GABRB3: variants seen among roughly 807,000 people sequenced by gnomAD.
The protein encoded by GABRB3 is gamma-aminobutyric acid type A receptor subunit beta3.
In GABRB3, 14 loss-of-function variants were observed where a neutral mutation model predicts 52.1. The ratio of observed to expected loss-of-function variants is 0.27; its 90% CI spans 0.18 to 0.42. The LOEUF (loss-of-function observed/expected upper bound fraction) is 0.42. Ranked by LOEUF, GABRB3 falls within the 10% of genes least tolerant of loss-of-function variation. The pLI, the probability that GABRB3 is intolerant of heterozygous loss-of-function variation, is 1.00. For synonymous variants in GABRB3, 260 were observed against 232.3 expected (o/e 1.12, Z -1.08); for missense variants, 307 against 609.1 (o/e 0.50, Z 5.22).
rs1316426000 is a variant in GABRB3, at chr15:26,680,348, C to A, written c.241-58814G>T. On this transcript the variant is annotated intron_variant, in intron 3 of 8. Transcript: ENST00000311550. ...TTTCTCTGGAGAAGGCTGACAGGCACTTTATCACTCTTGCTCCCTTCCTAA... is the reference window on the plus strand; with the variant it reads ...TTTCTCTGGAGAAGGCTGACAGGCAATTTATCACTCTTGCTCCCTTCCTAA... Among the ~76,000 whole-genome samples, 3 of 152,180 alleles carry A rather than the reference C, an allele frequency of 2.0e-5. No individual in the cohort carries two copies. In the East Asian group the frequency reaches 5.8e-4, roughly 29 times the overall value.
rs750714790 is a variant in GABRB3 at position 26,621,266 on chromosome 15, C to G, written c.461+48G>C. The G allele has an allele frequency of 1.5e-6, 2 of 1,378,272 alleles. No individual in the cohort carries two copies. Among genetic ancestry groups the G allele is most frequent in the South Asian group, 2.3e-5 (2 of 86,216 alleles). 85.4% of individuals were successfully genotyped at this position (1,378,272 alleles called of 1,614,324 possible). A position where few individuals can be genotyped will look rare whatever the true frequency, so the allele number is the denominator to read the frequency against. On this transcript the variant is annotated intron_variant, in intron 4 of 8. Coordinates refer to ENST00000311550, the MANE Select transcript of GABRB3 (RefSeq NM_000814.6). The surrounding 1 kb of genome is among the most constrained non-coding windows in gnomAD (Gnocchi z 4.1). The stretch of plus-strand genomic sequence containing the variant: ...ATCATCTCAAGTGAGATATTCAACA[C>G]CCATGCACCATGCAACAGCAAAATT...
intron 3 of GABRB3, among the ~76,000 whole-genome samples, chr15:26,689,278 T>C (rs1888504585): frequency 1.3e-5 from 2 of 152,108 alleles, no homozygotes; most frequent in Non-Finnish European, 2.9e-5. Flanking sequence ...GTGTACTCAA[T>C]CACACCTGTC....
intron 4 of GABRB3, among the ~76,000 whole-genome samples, chr15:26,606,967 C>A (rs894533666): frequency 2.6e-5 from 4 of 152,060 alleles, no homozygotes; most frequent in African/African-American, 7.2e-5. Flanking sequence ...TAATAGTATG[C>A]ACCTCTAACA....
intron 3 of GABRB3, among the ~76,000 whole-genome samples, chr15:26,690,915 T>G (rs886774940): frequency 7.3e-5 from 11 of 151,548 alleles, no homozygotes; most frequent in African/African-American, 2.7e-4. Flanking sequence ...ACATCAGTGG[T>G]GATGCAAGAG....
intron 3 of GABRB3, among the ~76,000 whole-genome samples, chr15:26,741,124 A>T (rs1225160433): frequency 6.6e-6 from 1 of 151,948 alleles, no homozygotes; most frequent in Admixed American, 6.6e-5. Flanking sequence ...AAAAATTCCT[A>T]TATGGACTTT....
chr15:26,667,053 A>C (rs1317056887), intron 3 of GABRB3, among the ~76,000 whole-genome samples: 1 of 152,206 alleles, frequency 6.6e-6, no homozygotes, highest in African/African-American at 2.4e-5. Context: ...TTGGTGTGAA[A>C]ATAACAGGAC....
intron 3 of GABRB3, among the ~76,000 whole-genome samples, chr15:26,666,156 A>G (rs1887704117): frequency 6.6e-6 from 1 of 152,110 alleles, no homozygotes; most frequent in African/African-American, 2.4e-5. Flanking sequence ...CTCCTCAATA[A>G]TCCAGCCAAG....
chr15:26,749,513 C>T (rs1228973334), intron 3 of GABRB3, among the ~76,000 whole-genome samples: 3 of 152,170 alleles, frequency 2.0e-5, no homozygotes, highest in Non-Finnish European at 2.9e-5. Flanking sequence ...GTAAAATGTT[C>T]TATAAGTGTC....
intron 3 of GABRB3, among the ~76,000 whole-genome samples, chr15:26,663,871 T>C (rs1443346475): frequency 6.6e-6 from 1 of 152,220 alleles, no homozygotes; most frequent in Non-Finnish European, 1.5e-5. Context: ...CTATAGTGTT[T>C]TCCATTATAT....
intron 3 of GABRB3, among the ~76,000 whole-genome samples, chr15:26,747,775 C>T (rs1005326306): frequency 6.6e-5 from 10 of 151,940 alleles, no homozygotes; most frequent in Admixed American, 1.3e-4. Flanking sequence ...TGTTCACAAT[C>T]GGGGGAAAAA....
intron 4 of GABRB3, among the ~76,000 whole-genome samples, chr15:26,597,975 C>T (rs1307806579): frequency 6.6e-6 from 1 of 152,132 alleles, no homozygotes; most frequent in Non-Finnish European, 1.5e-5. Context: ...AGGCTTCCAG[C>T]CTGAAGTACA....
chr15:26,709,090 A>C (rs1198746932), intron 3 of GABRB3, among the ~76,000 whole-genome samples: 3 of 152,256 alleles, frequency 2.0e-5, no homozygotes, highest in Non-Finnish European at 4.4e-5. Flanking sequence ...TAGATAAAAC[A>C]ATCATCCATT....
intron 8 of GABRB3, among the ~76,000 whole-genome samples, chr15:26,550,440 G>C (rs1320100397): frequency 6.6e-6 from 1 of 152,146 alleles, no homozygotes; most frequent in Non-Finnish European, 1.5e-5. Flanking sequence ...AGCCACATGA[G>C]ATATCATCTC....
chr15:26,635,604 C>T (rs1160860452), intron 3 of GABRB3, among the ~76,000 whole-genome samples: 3 of 152,108 alleles, frequency 2.0e-5, no homozygotes, highest in East Asian at 1.9e-4. Context: ...AATGCCAGAA[C>T]CGTACCAGTC....
At chr15:26,768,239 A>AAAATCCATTAAAATTTTAATC (rs1211695109) in intron 3 of GABRB3, among the ~76,000 whole-genome samples, 9 of 152,318 alleles carry the variant, frequency 5.9e-5, no homozygotes, top group South Asian at 4.1e-4. Context: ...GGATTGAGTT[A>AAAATCCATTAAAATTTTAATC]ATTTTAATGG....
chr15:26,588,426 T>C (rs1004465637), intron 4 of GABRB3, among the ~76,000 whole-genome samples: 5 of 152,194 alleles, frequency 3.3e-5, no homozygotes, highest in Admixed American at 3.3e-4. Context: ...TTATATCCAT[T>C]GTGCAGATGA....
intron 3 of GABRB3, among the ~76,000 whole-genome samples, chr15:26,686,074 C>A (rs1342463400): frequency 6.6e-6 from 1 of 152,004 alleles, no homozygotes; most frequent in African/African-American, 2.4e-5. Context: ...TCCTGAGTAG[C>A]TGGGACTATA....
chr15:26,730,434 A>T (rs1790303409), intron 3 of GABRB3, among the ~76,000 whole-genome samples: 1 of 151,862 alleles, frequency 6.6e-6, no homozygotes, highest in Non-Finnish European at 1.5e-5. Flanking sequence ...AAAAAAAAAA[A>T]AAAAAGACTT....
intron 3 of GABRB3, among the ~76,000 whole-genome samples, chr15:26,678,210 C>A (rs1888127289): frequency 6.6e-6 from 1 of 152,202 alleles, no homozygotes; most frequent in Non-Finnish European, 1.5e-5. Flanking sequence ...ACCACAGCAA[C>A]ATTCTCATTA....
Sources: gnomAD v4.1 joint callset for allele counts (sites outside exome capture counted in the v4.1 genomes callset) on GRCh38, gnomAD v4.1.1 for gene constraint, Gnocchi (gnomAD v3.1) non-coding constraint, MANE v1.5 for transcripts, NCBI Gene and HGNC (gene_info 2026-07-23, HGNC 2026-07-21) for gene names.